The following DNAH11 variants were observed in gnomAD, a reference collection of about 807,000 sequenced individuals.
The protein encoded by DNAH11 is axonemal beta dynein heavy chain 11.
A neutral mutation model predicts 526.0 loss-of-function variants in DNAH11; 442 were observed. The ratio of observed to expected loss-of-function variants is 0.84; its 90% CI spans 0.78 to 0.91. The LOEUF (loss-of-function observed/expected upper bound fraction) is 0.91. DNAH11 is among the 40% of genes least tolerant of loss of function. The pLI, the probability that DNAH11 is intolerant of heterozygous loss-of-function variation, is 0.00. For synonymous variants in DNAH11, 2,461 were observed against 1,935.9 expected, an observed-to-expected ratio of 1.27 and a Z score of -7.12; for missense variants, 6,989 against 5,448.7, an observed-to-expected ratio of 1.28 and a Z score of -8.90.
chr7:21,786,581 G>C lies in DNAH11; in HGVS notation c.9598-43G>C, dbSNP rs2072093. 568,082 of 1,562,746 alleles carry C rather than the reference G, an allele frequency of 0.36. 108,939 individuals are homozygous for C. Among genetic ancestry groups the C allele is most frequent in the East Asian group, 0.74 (32,213 of 43,816 alleles). On this transcript the variant is annotated intron_variant, in intron 58 of 81. Coordinates refer to ENST00000409508, the MANE Select transcript of DNAH11 (RefSeq NM_001277115.2). Reference sequence around the variant, plus strand: ...ACTTACAGAGCTTCTCCAGACTTCCGCTAATCCTGTCTGTGTACGTGTTTC... The same window carrying C: ...ACTTACAGAGCTTCTCCAGACTTCCCCTAATCCTGTCTGTGTACGTGTTTC...
intron 18 of DNAH11, among the ~76,000 whole-genome samples, chr7:21,605,909 A>T (rs1260275176): frequency 6.6e-6 from 1 of 152,228 alleles, no homozygotes; most frequent in Non-Finnish European, 1.5e-5. Flanking sequence ...TTCTGAACCC[A>T]GCAGTGCCAG....
chr7:21,552,320 G>A (rs903754981), intron 2 of DNAH11, among the ~76,000 whole-genome samples: 5 of 152,120 alleles, frequency 3.3e-5, no homozygotes, highest in African/African-American at 1.2e-4. Flanking sequence ...TTTTGAGCAT[G>A]AGTTAATTTA....
chr7:21,549,433 G>A (rs1424499166), intron 2 of DNAH11, among the ~76,000 whole-genome samples: 2 of 151,942 alleles, frequency 1.3e-5, no homozygotes, highest in African/African-American at 2.4e-5. Flanking sequence ...ACCCTTTTAC[G>A]GTCATTATTT....
intron 58 of DNAH11, among the ~76,000 whole-genome samples, chr7:21,785,500 G>A (rs1788132951): frequency 6.6e-6 from 1 of 152,142 alleles, no homozygotes; most frequent in African/African-American, 2.4e-5. Context: ...TTATAAAATA[G>A]GGTATTTTAT....
rs544445231 is a variant in DNAH11, at chr7:21,852,610, C to T, written c.11040C>T (p.Thr3680=). 1.1e-5 allele frequency: 17 copies of T among 1,600,988 alleles called. No individual in the cohort carries two copies. Among genetic ancestry groups the T allele is most frequent in the Middle Eastern group, 1.7e-4 (1 of 5,970 alleles). ...LVERLEATKT[T]VAEIEHKVIE... Reference sequence around the variant, plus strand: ...AGAGATTGGAGGCAACAAAGACCACCGTGGCAGAGATAGAGCACAAGGTAG... The same window carrying T: ...AGAGATTGGAGGCAACAAAGACCACTGTGGCAGAGATAGAGCACAAGGTAG... Residue 3680 remains threonine, a synonymous_variant, in exon 67 of 82, where the codon ACC becomes ACT. Transcript: ENST00000409508.
chr7:21,739,532 CCA>C (rs1460780101), intron 47 of DNAH11, 37 bp from the exon 48 acceptor site: 2 of 1,551,996 alleles, frequency 1.3e-6, no homozygotes, highest in Non-Finnish European at 8.8e-7. Flanking sequence ...TTTGTCATCT[CCA>C]GTTTTTGGAT....
intron 37 of DNAH11, 60 bp from the exon 38 acceptor site, chr7:21,704,374 G>A: frequency 2.0e-6 from 3 of 1,491,442 alleles, no homozygotes; most frequent in Non-Finnish European, 2.7e-6. Flanking sequence ...AACATCTTTA[G>A]TTTTTTAGGT....
At chr7:21,615,338 G>A (rs1201957986) in intron 21 of DNAH11, 66 bp downstream of exon 21, 6 of 1,557,842 alleles carry the variant, frequency 3.9e-6, no homozygotes, top group African/African-American at 2.7e-5. Flanking sequence ...AGTTTGTGGA[G>A]CCTATATTAT....
intron 57 of DNAH11, among the ~76,000 whole-genome samples, chr7:21,781,236 C>A (rs1200708269): frequency 1.3e-5 from 2 of 152,172 alleles, no homozygotes; most frequent in African/African-American, 4.8e-5. Context: ...GCATAACTCA[C>A]AAAGTACACA....
intron 28 of DNAH11, among the ~76,000 whole-genome samples, chr7:21,644,902 C>T (rs950750285): frequency 6.6e-6 from 1 of 152,172 alleles, no homozygotes; most frequent in Non-Finnish European, 1.5e-5. Flanking sequence ...TTATATATCC[C>T]ATGGAGATTA....
At chr7:21,816,325 G>A in intron 63 of DNAH11, 142 bp from the exon 64 acceptor site, 1 of 657,192 alleles carries the variant, frequency 1.5e-6, no homozygotes, top group Non-Finnish European at 2.7e-6. Flanking sequence ...ATGATGAGTT[G>A]TGTTTGGCTT....
chr7:21,647,724 C>G (rs1310915058), intron 28 of DNAH11, among the ~76,000 whole-genome samples: 1 of 151,988 alleles, frequency 6.6e-6, no homozygotes, highest in Non-Finnish European at 1.5e-5. Context: ...AGCCACTGCA[C>G]CTGGCCTACA....
intron 48 of DNAH11, among the ~76,000 whole-genome samples, chr7:21,741,010 T>C (rs1465356162): frequency 1.3e-5 from 2 of 152,230 alleles, no homozygotes; most frequent in Non-Finnish European, 2.9e-5. Flanking sequence ...TTGTTCATTT[T>C]TGTATCTTCT....
At chr7:21,775,522 G>A (rs1052427668) in intron 56 of DNAH11, among the ~76,000 whole-genome samples, 2 of 151,930 alleles carry the variant, frequency 1.3e-5, no homozygotes, top group African/African-American at 4.8e-5. Context: ...AAAGGCTGAG[G>A]CAGGAGGATC....
At chr7:21,555,768 C>T (rs1168107825) in intron 2 of DNAH11, among the ~76,000 whole-genome samples, 1 of 152,130 alleles carries the variant, frequency 6.6e-6, no homozygotes, top group Non-Finnish European at 1.5e-5. Flanking sequence ...TTGTTTATGG[C>T]CTCTGCAGGG....
chr7:21,629,640 T>A (rs2128457506), intron 25 of DNAH11, among the ~76,000 whole-genome samples: 1 of 152,284 alleles, frequency 6.6e-6, no homozygotes, highest in African/African-American at 2.4e-5. Flanking sequence ...TATTATTTTC[T>A]CTTGCCTAAT....
chr7:21,582,120 G>T, intron 9 of DNAH11, 99 bp downstream of exon 9: 1 of 728,196 alleles, frequency 1.4e-6, no homozygotes. Flanking sequence ...GTATTCACTA[G>T]GTTAACTAGT....
chr7:21,657,219 T>C (rs1782050284), intron 29 of DNAH11, among the ~76,000 whole-genome samples: 1 of 152,208 alleles, frequency 6.6e-6, no homozygotes, highest in Admixed American at 6.5e-5. Context: ...CACCCCAATT[T>C]AGTCCATTAG....
rs183489539 is a variant in DNAH11 at position 21,619,151 on chromosome 7, C to T, written c.4306C>T (p.Arg1436Trp). 472 of 1,613,452 alleles carry T rather than the reference C, an allele frequency of 2.9e-4. 3 individuals are homozygous for T. In the East Asian group the frequency reaches 9.5e-3, roughly 32 times the overall value. ...AACTTTGGCAGATTTGTTAGCACTGCGGTTACACAGAGTGGAAGATGATGT... is the reference window on the plus strand; with the variant it reads ...AACTTTGGCAGATTTGTTAGCACTGTGGTTACACAGAGTGGAAGATGATGT... The part of the protein sequence containing the change: ...ATTLADLLAL[R>W]LHRVEDDVRR... Residue 1436 changes from arginine to tryptophan, a missense_variant, in exon 24 of 82, where the codon CGG becomes TGG. Coordinates refer to ENST00000409508, the MANE Select transcript of DNAH11 (RefSeq NM_001277115.2).
Sources: gnomAD v4.1 joint callset for allele counts (sites outside exome capture counted in the v4.1 genomes callset) on GRCh38, gnomAD v4.1.1 for gene constraint, MANE v1.5 for transcripts, NCBI Gene and HGNC (gene_info 2026-07-23, HGNC 2026-07-21) for gene names.